Variants in FGD6 observed in about 807,000 individuals in gnomAD.
FGD6 encodes the protein FYVE, RhoGEF and PH domain-containing protein 6.
FGD6 carries 90 observed loss-of-function variants against 149.4 expected under a neutral mutation model. The ratio of observed to expected loss-of-function variants is 0.60; its 90% CI spans 0.51 to 0.72. The LOEUF is 0.72. Ranked by LOEUF, FGD6 falls within the 30% of genes least tolerant of loss-of-function variation. FGD6 has a pLI of 0.00. For synonymous variants in FGD6, 527 were observed against 584.0 expected, an observed-to-expected ratio of 0.90 and a Z score of 1.41; for missense variants, 1,437 against 1,684.8, an observed-to-expected ratio of 0.85 and a Z score of 2.57.
At position 95,079,359 on chromosome 12, in the gene FGD6, A is replaced by T. The variant is rs1050994445; in HGVS notation, c.*2161T>A. The T allele has an allele frequency of 6.6e-6, 1 of 152,020 alleles. No individual in the cohort carries two copies. The highest frequency in any genetic ancestry group is 2.4e-5 in the African/African-American group (1 of 41,384). The allele number at this position is 152,020 out of a possible 1,614,324, so 9.4% of individuals were successfully genotyped here. Reference sequence around the variant, plus strand: ...TTGTGCCAGATTTCTTCCCTCTCTCACTCTCTTTAGATTTAGAACTGGCTC... The same window carrying T: ...TTGTGCCAGATTTCTTCCCTCTCTCTCTCTCTTTAGATTTAGAACTGGCTC... On this transcript the variant is annotated 3_prime_UTR_variant, in exon 21 of 21. Coordinates refer to ENST00000343958, the MANE Select transcript of FGD6 (RefSeq NM_018351.4).
chr12:95,089,950 T>A (rs1424315317), intron 17 of FGD6, among the ~76,000 whole-genome samples: 1 of 151,998 alleles, frequency 6.6e-6, no homozygotes, highest in African/African-American at 2.4e-5. Context: ...ATGAAACACG[T>A]GACTATACTA....
chr12:95,208,453 A>G (rs1391348816), intron 2 of FGD6, among the ~76,000 whole-genome samples: 1 of 152,096 alleles, frequency 6.6e-6, no homozygotes, highest in Non-Finnish European at 1.5e-5. Context: ...ATGCCTACAT[A>G]TTTCAGTAAC....
In FGD6 at chr12:95,210,454, T is replaced by C. The variant is rs1341973466; in HGVS notation, c.830A>G (p.Asn277Ser). 1 of 1,613,996 alleles carries C rather than the reference T, an allele frequency of 6.2e-7. No individual in the cohort carries two copies. The highest frequency in any genetic ancestry group is 1.3e-5 in the African/African-American group (1 of 74,912). ...FQSSELEALE[N>S]GKRSTLISSD... ...AGATATTAAAGTACTCCTTTTCCCA[T>C]TTTCCAGAGCCTCTAGTTCAGATGA... is the stretch of plus-strand genomic sequence containing the variant. The change falls in exon 2 of 21, where the codon AAT becomes AGT. Residue 277 changes from asparagine (N) to serine (S), a missense_variant. By Grantham distance (46) the Asn-to-Ser change is conservative. This residue lies in a region of FGD6 where 1,055 missense variants were observed against 1,146.0 expected (regional missense o/e 0.92). Transcript: ENST00000343958.
Position 95,209,695 on chromosome 12 carries a change from T to G in FGD6, c.1589A>C (p.Lys530Thr). ...TCTTTCTAGACTCTTCTCTGAACTT[T>G]TTTCTTCACTTGAAGGATAAGAACT... ...EKSSYPSSEE[K>T]SSEKSLERNH... The change falls in exon 2 of 21, where the codon AAA (lysine) becomes ACA (threonine). Residue 530 changes from lysine (K) to threonine (T), a missense_variant. Physicochemically the swap from Lys to Thr is moderately conservative, Grantham distance 78. This residue lies in a region of FGD6 where 1,055 missense variants were observed against 1,146.0 expected (regional missense o/e 0.92). Coordinates refer to ENST00000343958, the MANE Select transcript of FGD6 (RefSeq NM_018351.4). 6.2e-7 allele frequency: 1 copy of G among 1,614,006 alleles called. No individual in the cohort carries two copies. The highest frequency in any genetic ancestry group is 8.5e-7 in the Non-Finnish European group (1 of 1,180,020).
Position 95,158,413 on chromosome 12 carries a change from G to A in FGD6, c.2587-5420C>T, listed in dbSNP as rs985457860. Among the ~76,000 whole-genome samples the A allele has an allele frequency of 2.6e-5, 4 of 151,234 alleles. No homozygotes were observed. The South Asian group carries it at 8.4e-4, about 32-fold the overall frequency. On this transcript the variant is annotated intron_variant, in intron 3 of 20. Transcript: ENST00000343958. ...GATGGTCTCGATCTCCTGGCCTTCT[G>A]ATCTGCCTGCCTCAGCCTCCCAAAG...
intron 3 of FGD6, among the ~76,000 whole-genome samples, chr12:95,157,520 C>T (rs567652379): frequency 6.6e-4 from 94 of 141,820 alleles, no homozygotes; most frequent in African/African-American, 2.4e-3. Context: ...GAGTCATGAT[C>T]GTGCCACTGC....
chr12:95,178,532 T>C (rs1881194060), intron 2 of FGD6, among the ~76,000 whole-genome samples: 1 of 152,204 alleles, frequency 6.6e-6, no homozygotes. Context: ...ATAGCAGAAA[T>C]CCTTCCCCCT....
intron 6 of FGD6, among the ~76,000 whole-genome samples, chr12:95,137,923 TAA>T (rs1052285452): frequency 6.6e-6 from 1 of 152,030 alleles, no homozygotes; most frequent in African/African-American, 2.4e-5. Flanking sequence ...GAGAGACTCT[TAA>T]AAAATGTTTA....
chr12:95,175,816 A>AAAAAG (rs1881119169), intron 2 of FGD6, among the ~76,000 whole-genome samples: 1 of 137,532 alleles, frequency 7.3e-6, no homozygotes, highest in African/African-American at 2.7e-5. Flanking sequence ...AAAAAAAAAA[A>AAAAAG]AAAGAAAAAA....
At chr12:95,131,108 GTTTTTTT>G (rs59897965) in intron 8 of FGD6, among the ~76,000 whole-genome samples, 46 of 128,352 alleles carry the variant, frequency 3.6e-4, no homozygotes, top group African/African-American at 1.1e-3. Flanking sequence ...TGGCTAAAGA[GTTTTTTT>G]TTTTTTTTTT....
Position 95,078,532 on chromosome 12 carries a change from A to G in FGD6, c.*2988T>C, listed in dbSNP as rs1472994202. On this transcript the variant is annotated 3_prime_UTR_variant, in exon 21 of 21. Coordinates refer to ENST00000343958, the MANE Select transcript of FGD6 (RefSeq NM_018351.4). ...TCTTTGTTGTGTCATTACAGCTTTC[A>G]TGTGAATCAAGGGTTGGTCTGATGA... The G allele has an allele frequency of 6.6e-6, 1 of 152,216 alleles. No individual in the cohort carries two copies. 9.4% of individuals were successfully genotyped at this position (152,216 alleles called of 1,614,324 possible). A position where few individuals can be genotyped will look rare whatever the true frequency, so the allele number is the denominator to read the frequency against.
chr12:95,141,084 G>A (rs1319761008), intron 6 of FGD6, among the ~76,000 whole-genome samples: 4 of 151,928 alleles, frequency 2.6e-5, no homozygotes, highest in South Asian at 2.1e-4. Flanking sequence ...TTAGAAAGGC[G>A]TGGTGGCACA....
chr12:95,154,820 C>T (rs1158321380), intron 3 of FGD6, among the ~76,000 whole-genome samples: 1 of 152,180 alleles, frequency 6.6e-6, no homozygotes, highest in Non-Finnish European at 1.5e-5. Context: ...AATATGGTAG[C>T]AACTTCTCTC....
chr12:95,092,938 G>A (rs1410992545), intron 15 of FGD6, 93 bp from the exon 16 acceptor site: 1 of 1,418,882 alleles, frequency 7.0e-7, no homozygotes, highest in Non-Finnish European at 9.6e-7. Context: ...ATGGGGATGA[G>A]GGTCAGGCAC....
chr12:95,094,661 C>A lies in FGD6; in HGVS notation c.3531G>T (p.Ala1177=). The A allele has an allele frequency of 6.2e-7, 1 of 1,613,534 alleles. No homozygotes were observed. Among genetic ancestry groups the A allele is most frequent in the Non-Finnish European group, 8.5e-7 (1 of 1,179,908 alleles). ...SATERDEWLE[A]ISRAIEEYAK... ...CATACTCTTCTATTGCCCTGGAAAT[C>A]GCTTCTAGCCATTCATCCCTTTCTG... The change falls in exon 15 of 21, where the codon GCG becomes GCT. Residue 1177 remains alanine (A), a synonymous_variant. Transcript: ENST00000343958.
intron 14 of FGD6, among the ~76,000 whole-genome samples, chr12:95,099,732 T>G (rs1383638367): frequency 6.6e-6 from 1 of 152,110 alleles, no homozygotes; most frequent in South Asian, 2.1e-4. Flanking sequence ...TGGTCTGTCT[T>G]CTACAAAGAA....
At chr12:95,162,762 T>C (rs769129095) in intron 3 of FGD6, among the ~76,000 whole-genome samples, 19 of 152,186 alleles carry the variant, frequency 1.2e-4, no homozygotes, top group Non-Finnish European at 2.5e-4. Context: ...GCTACTCCTA[T>C]ACTAGCTACT....
intron 9 of FGD6, among the ~76,000 whole-genome samples, chr12:95,109,531 C>A (rs1878742752): frequency 6.6e-6 from 1 of 151,550 alleles, no homozygotes; most frequent in Non-Finnish European, 1.5e-5. Context: ...CCTGAGGCTG[C>A]TGTGGCAGTG....
intron 2 of FGD6, among the ~76,000 whole-genome samples, chr12:95,198,319 T>A (rs1365711536): frequency 6.6e-6 from 1 of 152,156 alleles, no homozygotes; most frequent in Non-Finnish European, 1.5e-5. Context: ...AGTCTCCTCA[T>A]CTGTTAAAGA....
Sources: allele counts gnomAD v4.1 joint callset (sites outside exome capture counted in the v4.1 genomes callset), GRCh38; gene constraint gnomAD v4.1.1; regional missense constraint gnomAD v4.1.1; transcripts MANE v1.5; gene names NCBI Gene and HGNC (gene_info 2026-07-23, HGNC 2026-07-21).